The following EDA variants were observed in gnomAD, a reference collection of about 807,000 sequenced individuals.
EDA encodes ectodysplasin A.
A neutral mutation model predicts 23.6 loss-of-function variants in EDA; 2 were observed. The observed-to-expected ratio is 0.08, with a 90% CI of 0.03 to 0.27. EDA has a LOEUF of 0.27. Ranked by LOEUF, EDA falls within the 10% of genes least tolerant of loss-of-function variation. The probability of loss-of-function intolerance (pLI) is 1.00; values close to 1 mark genes in which losing one functional copy is unlikely to be tolerated. For missense variants in EDA, 229 were observed against 324.2 expected (o/e 0.71, Z 2.26); for synonymous variants, 131 against 132.0 (o/e 0.99, Z 0.05).
chrX:69,894,387 G>C (rs906980802), intron 1 of EDA, among the ~76,000 whole-genome samples: 9 of 111,381 alleles, frequency 8.1e-5, no homozygotes, highest in African/African-American at 2.9e-4. Flanking sequence ...TTGGCTATTC[G>C]AGCTCCTTTT....
intron 1 of EDA, among the ~76,000 whole-genome samples, chrX:69,640,553 C>T (rs978094536): frequency 9.0e-6 from 1 of 110,775 alleles, no homozygotes; most frequent in South Asian, 3.9e-4. Context: ...ATTGGAGGGG[C>T]ACACAAGAAC....
chrX:69,919,328 C>A (rs932007621), intron 1 of EDA, among the ~76,000 whole-genome samples: 3 of 112,066 alleles, frequency 2.7e-5, no homozygotes, highest in African/African-American at 9.7e-5. Flanking sequence ...GCTATAATTA[C>A]CCAAAGGAAT....
At chrX:69,946,710 T>C (rs2018838513) in intron 1 of EDA, among the ~76,000 whole-genome samples, 1 of 111,454 alleles carries the variant, frequency 9.0e-6, no homozygotes, top group South Asian at 3.8e-4. Context: ...CTCACTTTTC[T>C]CTTTCCTTCA....
intron 1 of EDA, among the ~76,000 whole-genome samples, chrX:69,680,070 C>T (rs1934276015): frequency 1.8e-5 from 2 of 110,150 alleles, no homozygotes; most frequent in Middle Eastern, 4.7e-3. Context: ...GCCTTCATTT[C>T]GTTGTGTACC....
In EDA at chrX:69,847,286, T is replaced by C. The variant is rs192307838; in HGVS notation, c.397-109741T>C. Among the ~76,000 whole-genome samples, 6 of 111,812 alleles carry C rather than the reference T, an allele frequency of 5.4e-5. No homozygotes were observed. The East Asian group carries it at 1.4e-3, about 26-fold the overall frequency. ...ATTCCCAAAATATTGGGGATACTGA[T>C]AAATGAATGCCTACTTTTTTAAATG... is the stretch of plus-strand genomic sequence containing the variant. On this transcript the variant is annotated intron_variant, in intron 1 of 7. Transcript: ENST00000374552.
intron 1 of EDA, among the ~76,000 whole-genome samples, chrX:69,775,737 A>C (rs960868769): frequency 3.6e-5 from 4 of 112,110 alleles, no homozygotes; most frequent in Non-Finnish European, 7.5e-5. Flanking sequence ...ATGAACGCCA[A>C]AATTTGAAAT....
At position 69,939,135 on chromosome X, in the gene EDA, C is replaced by T. The variant is rs772665933; in HGVS notation, c.397-17892C>T. 1.3e-4 allele frequency among the ~76,000 whole-genome samples: 15 copies of T among 111,599 alleles called. No homozygotes were observed. In the South Asian group the frequency reaches 5.6e-3, roughly 42 times the overall value. On this transcript the variant is annotated intron_variant, in intron 1 of 7. Coordinates refer to ENST00000374552, the MANE Select transcript of EDA (RefSeq NM_001399.5). ...TTTTTTTTATTTCCATGAAGAATGTCATTGATATTTTGATAGGGATTGCAT... is the reference window on the plus strand; with the variant it reads ...TTTTTTTTATTTCCATGAAGAATGTTATTGATATTTTGATAGGGATTGCAT...
In EDA at chrX:69,841,279, T is replaced by A. The variant is rs186608799; in HGVS notation, c.397-115748T>A. Reference sequence around the variant, plus strand: ...ACAGCAAGAGGAATTTCAAAATTCCTATTACAGTGCCAAGATTAGTGCTCC... The same window carrying A: ...ACAGCAAGAGGAATTTCAAAATTCCAATTACAGTGCCAAGATTAGTGCTCC... On this transcript the variant is annotated intron_variant, in intron 1 of 7. Transcript: ENST00000374552. Among the ~76,000 whole-genome samples the A allele has an allele frequency of 4.2e-3, 466 of 112,094 alleles. 2 individuals carry two copies. The highest frequency in any genetic ancestry group is 0.014 in the African/African-American group (447 of 30,936).
chrX:70,012,075 C>T (rs933986597), intron 2 of EDA, among the ~76,000 whole-genome samples: 3 of 111,308 alleles, frequency 2.7e-5, no homozygotes, highest in African/African-American at 9.8e-5. Flanking sequence ...CAAAATTTGT[C>T]CAATCCCAAT....
rs1422992534 is a variant in EDA at position 69,880,717 on chromosome X, A to G, written c.397-76310A>G. On this transcript the variant is annotated intron_variant, in intron 1 of 7. Transcript: ENST00000374552. ...AGCTATATTAGCATGGATCATAGTT[A>G]CTGGGCTTTACCTGTTCCCATTGGG... Among the ~76,000 whole-genome samples, 3 of 112,200 alleles carry G rather than the reference A, an allele frequency of 2.7e-5. No homozygotes were observed. In the East Asian group the frequency reaches 8.4e-4, roughly 32 times the overall value.
chrX:69,619,250 T>C (rs921554747), intron 1 of EDA, among the ~76,000 whole-genome samples: 2 of 112,173 alleles, frequency 1.8e-5, no homozygotes, highest in African/African-American at 6.5e-5. Context: ...CTTACCAGTT[T>C]ATCTGTAAGG....
At chrX:69,910,617 C>T (rs1045092211) in intron 1 of EDA, among the ~76,000 whole-genome samples, 1 of 110,544 alleles carries the variant, frequency 9.0e-6, no homozygotes, top group East Asian at 2.8e-4. Flanking sequence ...GTCCCTGAGG[C>T]TCTGCTTATT....
At chrX:69,988,355 A>G (rs781405378) in intron 2 of EDA, among the ~76,000 whole-genome samples, 9 of 112,026 alleles carry the variant, frequency 8.0e-5, no homozygotes, top group African/African-American at 2.9e-4. Flanking sequence ...GAGGGACTAT[A>G]GTCAATAATA....
At chrX:69,961,840 G>C (rs2019107345) in intron 2 of EDA, among the ~76,000 whole-genome samples, 1 of 112,169 alleles carries the variant, frequency 8.9e-6, no homozygotes, top group Admixed American at 9.5e-5. Flanking sequence ...CCTTCACTGT[G>C]GGTGTTGAGT....
At chrX:69,928,852 G>A (rs2018557363) in intron 1 of EDA, among the ~76,000 whole-genome samples, 1 of 111,389 alleles carries the variant, frequency 9.0e-6, no homozygotes, top group Admixed American at 9.6e-5. Context: ...CACTGAAGTA[G>A]GAACTCATAG....
intron 1 of EDA, among the ~76,000 whole-genome samples, chrX:69,625,004 C>T (rs773012432): frequency 7.2e-5 from 8 of 110,843 alleles, no homozygotes; most frequent in African/African-American, 9.8e-5. Flanking sequence ...AAATTTAGCC[C>T]AAATTACTTT....
At chrX:69,794,171 A>C (rs770530102) in intron 1 of EDA, among the ~76,000 whole-genome samples, 1 of 110,783 alleles carries the variant, frequency 9.0e-6, no homozygotes, top group African/African-American at 3.3e-5. Flanking sequence ...AAAACAGGGT[A>C]TATTCAAAGG....
chrX:70,028,067 G>C, intron 4 of EDA, 31 bp downstream of exon 4: 2 of 1,192,806 alleles, frequency 1.7e-6, no homozygotes, highest in Non-Finnish European at 2.3e-6. Flanking sequence ...ACCCCACCAG[G>C]TGCCTTTAAA....
chrX:69,954,688 G>T (rs2018974671), intron 1 of EDA, among the ~76,000 whole-genome samples: 1 of 111,665 alleles, frequency 9.0e-6, no homozygotes. Flanking sequence ...AAGTTCACAG[G>T]TACATGTGCA....
Sources: allele counts gnomAD v4.1 joint callset (sites outside exome capture counted in the v4.1 genomes callset), GRCh38; gene constraint gnomAD v4.1.1; transcripts MANE v1.5; gene names NCBI Gene and HGNC (gene_info 2026-07-23, HGNC 2026-07-21).